ZMYND11: variants seen among roughly 807,000 people sequenced by gnomAD.
The protein encoded by ZMYND11 is zinc finger MYND domain-containing protein 11.
ZMYND11 carries 9 observed loss-of-function variants against 84.9 expected under a neutral mutation model. The observed-to-expected ratio is 0.11, with a 90% CI of 0.06 to 0.18. The LOEUF (loss-of-function observed/expected upper bound fraction) is 0.18, where lower values mean the gene tolerates loss of function less well. ZMYND11 is among the 10% of genes least tolerant of loss of function. ZMYND11 has a pLI of 1.00. For synonymous variants in ZMYND11, 250 were observed against 244.1 expected (o/e 1.02, Z -0.23); for missense variants, 409 against 761.0 (o/e 0.54, Z 5.44).
chr10:137,445 A>C (rs1222769848), intron 1 of ZMYND11, among the ~76,000 whole-genome samples: 1 of 152,142 alleles, frequency 6.6e-6, no homozygotes, highest in Non-Finnish European at 1.5e-5. Flanking sequence ...AAATAATTTA[A>C]TCTGTTTGTC....
chr10:241,108 G>GAAAA (rs1950822053), intron 9 of ZMYND11, 138 bp downstream of exon 9: 1 of 562,328 alleles, frequency 1.8e-6, no homozygotes, highest in Admixed American at 3.6e-5. Context: ...ATAAACAACT[G>GAAAA]AAAAAAAGTA....
chr10:212,755 C>T (rs1007091906), intron 3 of ZMYND11, among the ~76,000 whole-genome samples: 1 of 151,912 alleles, frequency 6.6e-6, no homozygotes, highest in Non-Finnish European at 1.5e-5. Flanking sequence ...CAAAAAACGC[C>T]TGTATATAAT....
intron 3 of ZMYND11, among the ~76,000 whole-genome samples, chr10:213,408 C>T (rs957785789): frequency 6.6e-6 from 1 of 152,142 alleles, no homozygotes; most frequent in South Asian, 2.1e-4. Context: ...TCTCTAAAAA[C>T]TTGACTTTTT....
intron 1 of ZMYND11, among the ~76,000 whole-genome samples, chr10:166,497 A>C (rs11592007): frequency 0.25 from 37,705 of 152,100 alleles, 5,810 homozygotes; most frequent in Non-Finnish European, 0.35. Flanking sequence ...AAGGTGTTCA[A>C]CATCATTAGT....
intron 4 of ZMYND11, among the ~76,000 whole-genome samples, chr10:229,180 A>T (rs1244668818): frequency 6.6e-6 from 1 of 152,188 alleles, no homozygotes; most frequent in Non-Finnish European, 1.5e-5. Flanking sequence ...TAATAAATGT[A>T]GATACAGCCA....
chr10:136,989 G>GTA (rs1479576627), intron 1 of ZMYND11, among the ~76,000 whole-genome samples: 1 of 152,026 alleles, frequency 6.6e-6, no homozygotes, highest in African/African-American at 2.4e-5. Flanking sequence ...TCTATGTTTT[G>GTA]TATATATATC....
intron 2 of ZMYND11, among the ~76,000 whole-genome samples, chr10:191,502 G>C (rs923036319): frequency 6.6e-6 from 1 of 152,158 alleles, no homozygotes; most frequent in Non-Finnish European, 1.5e-5. Flanking sequence ...CCCAGGTCAC[G>C]TGTTGGAATT....
chr10:216,218 C>T (rs373434718), intron 3 of ZMYND11, among the ~76,000 whole-genome samples: 7 of 152,168 alleles, frequency 4.6e-5, no homozygotes, highest in South Asian at 2.1e-4. Context: ...GGCGCCCTTG[C>T]GTTGTTCTTG....
At chr10:216,291 T>TTA (rs924352464) in intron 3 of ZMYND11, among the ~76,000 whole-genome samples, 9 of 152,046 alleles carry the variant, frequency 5.9e-5, no homozygotes, top group African/African-American at 1.7e-4. Context: ...CACAACCCTT[T>TTA]TATATATATA....
At chr10:136,354 T>G (rs1836055910) in intron 1 of ZMYND11, among the ~76,000 whole-genome samples, 1 of 152,110 alleles carries the variant, frequency 6.6e-6, no homozygotes, top group African/African-American at 2.4e-5. Flanking sequence ...TTTTGCAGAG[T>G]GACCGCCGTA....
intron 1 of ZMYND11, among the ~76,000 whole-genome samples, chr10:139,365 C>T (rs1554753369): frequency 2.6e-5 from 4 of 152,224 alleles, no homozygotes; most frequent in Non-Finnish European, 1.5e-5. Flanking sequence ...CCCTCACCAA[C>T]ATTTCTACTA....
At chr10:170,671 A>G (rs1845118962) in intron 1 of ZMYND11, among the ~76,000 whole-genome samples, 1 of 152,164 alleles carries the variant, frequency 6.6e-6, no homozygotes, top group Admixed American at 6.6e-5. Context: ...AACCACTACA[A>G]ATAGTAAAGC....
intron 1 of ZMYND11, among the ~76,000 whole-genome samples, chr10:137,110 A>G (rs1351921157): frequency 6.6e-6 from 1 of 152,118 alleles, no homozygotes; most frequent in African/African-American, 2.4e-5. Flanking sequence ...TGCACCATGC[A>G]TGCACTATCC....
chr10:227,594 T>G (rs551777634), intron 4 of ZMYND11, among the ~76,000 whole-genome samples: 9 of 152,316 alleles, frequency 5.9e-5, no homozygotes, highest in Non-Finnish European at 1.2e-4. Context: ...TTAGAGAAAT[T>G]TGTTTCTGGA....
chr10:222,771 A>T (rs1305497367), intron 4 of ZMYND11, among the ~76,000 whole-genome samples: 1 of 151,974 alleles, frequency 6.6e-6, no homozygotes, highest in Non-Finnish European at 1.5e-5. Context: ...GGAATTAGGA[A>T]ATACAGCTCT....
upstream of ZMYND11, chr10:134,384 A>C (rs1057205032): frequency 6.6e-6 from 1 of 152,238 alleles, no homozygotes; most frequent in Non-Finnish European, 1.5e-5. Context: ...AAGTATGCTT[A>C]TCTCCGAACC....
chr10:191,665 T>A (rs753498457), intron 2 of ZMYND11, among the ~76,000 whole-genome samples: 2 of 152,256 alleles, frequency 1.3e-5, no homozygotes, highest in Non-Finnish European at 2.9e-5. Flanking sequence ...TATTTTGTTT[T>A]ATTTCTAAAA....
At chr10:131,363 T>C (rs1588304192), upstream of ZMYND11, among the ~76,000 whole-genome samples, 5 of 152,166 alleles carry the variant, frequency 3.3e-5, no homozygotes, top group East Asian at 9.6e-4. Context: ...AAGCCACAGC[T>C]ATGGAGCCCT....
At chr10:154,390 G>C (rs532046021) in intron 1 of ZMYND11, among the ~76,000 whole-genome samples, 2 of 152,074 alleles carry the variant, frequency 1.3e-5, no homozygotes, top group Non-Finnish European at 2.9e-5. Flanking sequence ...ACCATAAACG[G>C]CAAAATCACA....
Sources: allele counts gnomAD v4.1 joint callset (sites outside exome capture counted in the v4.1 genomes callset), GRCh38; gene constraint gnomAD v4.1.1; transcripts MANE v1.5; gene names NCBI Gene and HGNC (gene_info 2026-07-23, HGNC 2026-07-21).